Variants in MCTP2 observed in about 807,000 individuals in gnomAD.
MCTP2 encodes multiple C2 and transmembrane domain-containing protein 2.
In MCTP2, 132 loss-of-function variants were observed where a neutral mutation model predicts 111.6. The observed-to-expected ratio is 1.18, with a 90% CI of 1.03 to 1.37. MCTP2 has a LOEUF of 1.37. Ranked by LOEUF, MCTP2 falls within the 40% of genes most tolerant of loss-of-function variation. The pLI is 0.00. For synonymous variants in MCTP2, 395 were observed against 387.7 expected, an observed-to-expected ratio of 1.02 and a Z score of -0.22; for missense variants, 1,183 against 1,067.9, an observed-to-expected ratio of 1.11 and a Z score of -1.50.
In MCTP2 at chr15:94,410,837, G is replaced by A. The variant is rs536885855; in HGVS notation, c.2085+8818G>A. Among the ~76,000 whole-genome samples, 28 of 152,308 alleles carry A rather than the reference G, an allele frequency of 1.8e-4. No homozygotes were observed. The Middle Eastern group carries it at 0.01, about 56-fold the overall frequency. On this transcript the variant is annotated intron_variant, in intron 17 of 22. Coordinates refer to ENST00000357742, the MANE Select transcript of MCTP2 (RefSeq NM_001385001.1). ...GCTTTCTTTTTATTCGTACACCTCCGTTGATCATAATAGCCTGTGGCCGCA... is the reference window on the plus strand; with the variant it reads ...GCTTTCTTTTTATTCGTACACCTCCATTGATCATAATAGCCTGTGGCCGCA...
At chr15:94,301,845 T>C (rs1407998837) in intron 2 of MCTP2, among the ~76,000 whole-genome samples, 1 of 151,628 alleles carries the variant, frequency 6.6e-6, no homozygotes, top group Non-Finnish European at 1.5e-5. Flanking sequence ...TTTTTTTTTT[T>C]TTTTAAACAA....
intron 17 of MCTP2, among the ~76,000 whole-genome samples, chr15:94,426,120 C>CAGAGAGAGAGAGAGAGAGATTGAG (rs891958013): frequency 7.7e-6 from 1 of 129,094 alleles, no homozygotes; most frequent in Non-Finnish European, 1.6e-5. Context: ...TCTGAGATGC[C>CAGAGAGAGAGAGAGAGAGATTGAG]AGAGAGAGAG....
intron 1 of MCTP2, among the ~76,000 whole-genome samples, chr15:94,267,792 A>G (rs1234503469): frequency 6.6e-6 from 1 of 150,990 alleles, no homozygotes; most frequent in Non-Finnish European, 1.5e-5. Flanking sequence ...CTGCTTGCTT[A>G]CTTTTAGCCA....
At chr15:94,261,687 A>G (rs961532429) in intron 1 of MCTP2, among the ~76,000 whole-genome samples, 1 of 152,208 alleles carries the variant, frequency 6.6e-6, no homozygotes, top group Non-Finnish European at 1.5e-5. Context: ...TGTATTCCAG[A>G]TAGTGTCGCT....
intron 13 of MCTP2, 117 bp from the exon 14 acceptor site, chr15:94,385,306 G>T: frequency 1.6e-6 from 1 of 617,784 alleles, no homozygotes; most frequent in South Asian, 2.5e-5. Context: ...TAATTAAATG[G>T]TAGGTTTATA....
At chr15:94,243,589 T>TA (rs2071311286) in intron 1 of MCTP2, among the ~76,000 whole-genome samples, 5 of 149,228 alleles carry the variant, frequency 3.4e-5, no homozygotes, top group African/African-American at 1.2e-4. Flanking sequence ...ATGCGTATAT[T>TA]TGTATATGTA....
intron 1 of MCTP2, among the ~76,000 whole-genome samples, chr15:94,252,295 G>A (rs1328904979): frequency 6.6e-6 from 1 of 152,080 alleles, no homozygotes; most frequent in Non-Finnish European, 1.5e-5. Flanking sequence ...TTTCTGTTTT[G>A]TTGTTGTTGA....
At chr15:94,233,748 G>A (rs2070352586) in intron 1 of MCTP2, among the ~76,000 whole-genome samples, 1 of 152,142 alleles carries the variant, frequency 6.6e-6, no homozygotes, top group Non-Finnish European at 1.5e-5. Flanking sequence ...TTCTTTAAGT[G>A]CATGTAAACC....
intron 22 of MCTP2, among the ~76,000 whole-genome samples, chr15:94,477,005 A>G (rs1184003027): frequency 6.6e-6 from 1 of 152,164 alleles, no homozygotes; most frequent in Non-Finnish European, 1.5e-5. Context: ...AGAGCTACTT[A>G]AGTATGATCT....
rs113824665 is a variant in MCTP2, at chr15:94,442,007, T to C, written c.2209-912T>C. 3.3e-3 allele frequency among the ~76,000 whole-genome samples: 509 copies of C among 152,342 alleles called. 2 individuals are homozygous for C. Among genetic ancestry groups the C allele is most frequent in the African/African-American group, 0.011 (473 of 41,580 alleles). On this transcript the variant is annotated intron_variant, in intron 18 of 22. Coordinates refer to ENST00000357742, the MANE Select transcript of MCTP2 (RefSeq NM_001385001.1). ...ATGACTGCTCAGTGGTTTTATGGAA[T>C]GTAGCAGAGTATTCTCTGGATACTT... is the stretch of plus-strand genomic sequence containing the variant.
At chr15:94,401,400 C>T (rs528354212) in intron 16 of MCTP2, among the ~76,000 whole-genome samples, 72 of 152,298 alleles carry the variant, frequency 4.7e-4, no homozygotes, top group Non-Finnish European at 8.2e-4. Context: ...CCAATCCCTT[C>T]CCAGAACTCT....
At chr15:94,308,861 G>A (rs564323758) in intron 2 of MCTP2, among the ~76,000 whole-genome samples, 4 of 152,268 alleles carry the variant, frequency 2.6e-5, no homozygotes, top group East Asian at 1.9e-4. Flanking sequence ...AGCAAGCGGC[G>A]GGCTGGATTT....
intron 8 of MCTP2, among the ~76,000 whole-genome samples, chr15:94,354,574 G>C (rs868274016): frequency 6.6e-6 from 1 of 152,172 alleles, no homozygotes; most frequent in African/African-American, 2.4e-5. Context: ...CCCCAGCCAC[G>C]CTGCACTGAG....
chr15:94,244,743 T>C (rs1459523549), intron 1 of MCTP2, among the ~76,000 whole-genome samples: 1 of 147,964 alleles, frequency 6.8e-6, no homozygotes, highest in East Asian at 2.0e-4. Context: ...TGTATACACA[T>C]ACATATGCAC....
At chr15:94,407,236 C>A (rs1405743611) in intron 17 of MCTP2, among the ~76,000 whole-genome samples, 1 of 152,146 alleles carries the variant, frequency 6.6e-6, no homozygotes, top group African/African-American at 2.4e-5. Context: ...ATTTACTTGA[C>A]AGATGGCATC....
chr15:94,434,739 A>G (rs2083374447), intron 17 of MCTP2, among the ~76,000 whole-genome samples: 1 of 152,132 alleles, frequency 6.6e-6, no homozygotes, highest in Admixed American at 6.5e-5. Flanking sequence ...CTTTTCACCA[A>G]CACTACTACT....
chr15:94,232,556 C>T (rs1239471811), intron 1 of MCTP2, among the ~76,000 whole-genome samples: 3 of 152,196 alleles, frequency 2.0e-5, no homozygotes, highest in Non-Finnish European at 4.4e-5. Context: ...GAGTCAGTAG[C>T]ATTTCAATTC....
intron 9 of MCTP2, among the ~76,000 whole-genome samples, chr15:94,357,653 G>A (rs2078704066): frequency 1.3e-5 from 2 of 151,198 alleles, no homozygotes; most frequent in Admixed American, 6.6e-5. Context: ...ACATGACATT[G>A]GCTACAGCCG....
chr15:94,287,844 A>G (rs2074834926), intron 1 of MCTP2, among the ~76,000 whole-genome samples: 1 of 152,200 alleles, frequency 6.6e-6, no homozygotes, highest in African/African-American at 2.4e-5. Context: ...TCCCAGATCC[A>G]GATGTTAGCA....
Sources: allele counts gnomAD v4.1 joint callset (sites outside exome capture counted in the v4.1 genomes callset), GRCh38; gene constraint gnomAD v4.1.1; transcripts MANE v1.5; gene names NCBI Gene and HGNC (gene_info 2026-07-23, HGNC 2026-07-21).